SORCS3: variants seen among roughly 807,000 people sequenced by gnomAD.
SORCS3 encodes the protein VPS10 domain-containing receptor SorCS3.
Under a neutral mutation model 146.3 loss-of-function variants are expected in SORCS3, and 57 were observed. That is an observed-to-expected ratio of 0.39 (90% CI 0.31 to 0.49). The LOEUF (loss-of-function observed/expected upper bound fraction) is 0.49. SORCS3 is among the 20% of genes least tolerant of loss of function. SORCS3 has a pLI of 0.92. For missense variants in SORCS3, 1,341 were observed against 1,575.5 expected (o/e 0.85, Z 2.52); for synonymous variants, 653 against 618.5 (o/e 1.06, Z -0.83).
chr10:104,897,515 T>A (rs1012548943), intron 2 of SORCS3, among the ~76,000 whole-genome samples: 1 of 152,238 alleles, frequency 6.6e-6, no homozygotes, highest in African/African-American at 2.4e-5. Context: ...ATAGTTGAAG[T>A]TATCAATGTA....
chr10:105,191,325 A>G (rs1310147265), intron 14 of SORCS3, among the ~76,000 whole-genome samples: 1 of 152,238 alleles, frequency 6.6e-6, no homozygotes, highest in Non-Finnish European at 1.5e-5. Flanking sequence ...GCAAGGAGGA[A>G]AGATCAGAGA....
chr10:104,772,875 CAT>C (rs1483949166), intron 1 of SORCS3, among the ~76,000 whole-genome samples: 1 of 152,214 alleles, frequency 6.6e-6, no homozygotes, highest in Non-Finnish European at 1.5e-5. Context: ...CATATTGGCA[CAT>C]GAGTCAAGGG....
intron 1 of SORCS3, among the ~76,000 whole-genome samples, chr10:104,828,576 G>T (rs1354147417): frequency 6.6e-6 from 1 of 152,062 alleles, no homozygotes; most frequent in East Asian, 1.9e-4. Context: ...AAAATGTGAC[G>T]CAGGGACACA....
intron 6 of SORCS3, among the ~76,000 whole-genome samples, chr10:105,099,611 G>A (rs1457695165): frequency 6.6e-6 from 1 of 152,168 alleles, no homozygotes. Flanking sequence ...CTGGTAAAGA[G>A]GTGATCCTTT....
At chr10:104,848,509 C>T (rs1295991158) in intron 2 of SORCS3, among the ~76,000 whole-genome samples, 1 of 152,158 alleles carries the variant, frequency 6.6e-6, no homozygotes, top group African/African-American at 2.4e-5. Flanking sequence ...TGGTGGAATT[C>T]CTGCTGAATC....
intron 1 of SORCS3, among the ~76,000 whole-genome samples, chr10:104,657,437 G>A (rs989697214): frequency 6.6e-6 from 1 of 152,188 alleles, no homozygotes; most frequent in African/African-American, 2.4e-5. Flanking sequence ...CATAATTACG[G>A]TATAAAGTGA....
intron 7 of SORCS3, among the ~76,000 whole-genome samples, chr10:105,109,272 G>C (rs1301372196): frequency 1.3e-5 from 2 of 151,804 alleles, no homozygotes; most frequent in African/African-American, 2.4e-5. Context: ...AATTCTGTTA[G>C]ACTTAAATAT....
At chr10:104,822,144 C>T (rs765785325) in intron 1 of SORCS3, 2 of 516,578 alleles carry the variant, frequency 3.9e-6, no homozygotes, top group Non-Finnish European at 7.7e-6. Flanking sequence ...GATCTGTCCT[C>T]AGTTTCTGTA....
chr10:104,792,793 A>AT lies in SORCS3; in HGVS notation c.628-49991dup, dbSNP rs1315262467. Among the ~76,000 whole-genome samples, 7 of 151,396 alleles carry AT rather than the reference A, an allele frequency of 4.6e-5. No individual in the cohort carries two copies. The East Asian group carries it at 5.8e-4, about 13-fold the overall frequency. On this transcript the variant is annotated intron_variant, in intron 1 of 26. Transcript: ENST00000369701. ...TTTTTGTAGGTTGTATATCAAACTT[A>AT]TTTTTTTTCACATTCTTCCTCCCCA...
intron 14 of SORCS3, among the ~76,000 whole-genome samples, chr10:105,196,790 C>G (rs927237769): frequency 2.6e-5 from 4 of 152,120 alleles, no homozygotes; most frequent in Admixed American, 1.3e-4. Context: ...TGAAAGTGGT[C>G]TTGGATCATA....
intron 14 of SORCS3, among the ~76,000 whole-genome samples, chr10:105,189,222 G>A (rs549622027): frequency 6.6e-6 from 1 of 152,238 alleles, no homozygotes; most frequent in African/African-American, 2.4e-5. Flanking sequence ...AGACTCTAGC[G>A]CCCTAGTATT....
intron 1 of SORCS3, among the ~76,000 whole-genome samples, chr10:104,728,823 T>C (rs1473408637): frequency 6.6e-6 from 1 of 152,188 alleles, no homozygotes; most frequent in Non-Finnish European, 1.5e-5. Flanking sequence ...ACTGAGAGAC[T>C]AGTCCTATAA....
At chr10:104,675,231 T>A (rs2133260438) in intron 1 of SORCS3, among the ~76,000 whole-genome samples, 1 of 152,372 alleles carries the variant, frequency 6.6e-6, no homozygotes, top group South Asian at 2.1e-4. Context: ...TTCATATGCC[T>A]AATGGCCATT....
At chr10:104,759,526 G>A (rs904353016) in intron 1 of SORCS3, among the ~76,000 whole-genome samples, 1 of 152,188 alleles carries the variant, frequency 6.6e-6, no homozygotes, top group African/African-American at 2.4e-5. Context: ...ATATTCTGCT[G>A]AGATTGCGTG....
At chr10:105,026,124 T>G (rs576098153) in intron 4 of SORCS3, among the ~76,000 whole-genome samples, 1 of 152,262 alleles carries the variant, frequency 6.6e-6, no homozygotes, top group South Asian at 2.1e-4. Flanking sequence ...GCCCACAGTC[T>G]CAGAGCTATC....
intron 2 of SORCS3, among the ~76,000 whole-genome samples, chr10:104,911,997 G>A (rs1471424032): frequency 6.6e-6 from 1 of 152,130 alleles, no homozygotes; most frequent in African/African-American, 2.4e-5. Context: ...TTCATCCACT[G>A]ACCTCTCCTC....
chr10:105,118,413 C>T (rs1413885662), intron 7 of SORCS3, among the ~76,000 whole-genome samples: 1 of 152,108 alleles, frequency 6.6e-6, no homozygotes, highest in Non-Finnish European at 1.5e-5. Context: ...TATAAATTAT[C>T]CAGTCATGGG....
intron 3 of SORCS3, among the ~76,000 whole-genome samples, chr10:104,922,856 C>T (rs1461024051): frequency 6.6e-6 from 1 of 152,196 alleles, no homozygotes; most frequent in Non-Finnish European, 1.5e-5. Flanking sequence ...TTCGTAGACT[C>T]TCTTGCTGGG....
intron 15 of SORCS3, 141 bp downstream of exon 15, chr10:105,200,257 G>A (rs2056566815): frequency 6.1e-6 from 4 of 660,840 alleles, no homozygotes; most frequent in Admixed American, 2.6e-5. Flanking sequence ...TTGGAGAAAA[G>A]GGTGAAACAC....
Sources: gnomAD v4.1 joint callset for allele counts (sites outside exome capture counted in the v4.1 genomes callset) on GRCh38, gnomAD v4.1.1 for gene constraint, MANE v1.5 for transcripts, NCBI Gene and HGNC (gene_info 2026-07-23, HGNC 2026-07-21) for gene names.